PRKG1: variants seen among roughly 807,000 people sequenced by gnomAD.
The protein encoded by PRKG1 is protein kinase cGMP-dependent 1.
Under a neutral mutation model 88.1 loss-of-function variants are expected in PRKG1, and 35 were observed. That is an observed-to-expected ratio of 0.40 (90% CI 0.30 to 0.53). The LOEUF is 0.53. Ranked by LOEUF, PRKG1 falls within the 20% of genes least tolerant of loss-of-function variation. The probability of loss-of-function intolerance (pLI) is 0.59; values close to 1 mark genes in which losing one functional copy is unlikely to be tolerated. For missense variants in PRKG1, 540 were observed against 839.8 expected, an observed-to-expected ratio of 0.64 and a Z score of 4.41; for synonymous variants, 303 against 292.5, an observed-to-expected ratio of 1.04 and a Z score of -0.37.
intron 2 of PRKG1, among the ~76,000 whole-genome samples, chr10:51,340,321 G>C (rs974299661): frequency 2.6e-5 from 4 of 152,010 alleles, no homozygotes; most frequent in Non-Finnish European, 5.9e-5. Flanking sequence ...TTCTTTCTAA[G>C]AATATATTGT....
At chr10:51,492,491 T>C (rs960295531) in intron 3 of PRKG1, among the ~76,000 whole-genome samples, 6 of 152,176 alleles carry the variant, frequency 3.9e-5, no homozygotes, top group African/African-American at 1.4e-4. Context: ...AATTAGCTGA[T>C]GTAATGTTCT....
At chr10:51,479,861 A>G (rs1437630132) in intron 3 of PRKG1, among the ~76,000 whole-genome samples, 1 of 152,048 alleles carries the variant, frequency 6.6e-6, no homozygotes, top group Non-Finnish European at 1.5e-5. Context: ...CAGCATTTGA[A>G]TTTTAGGTTT....
At chr10:51,489,554 A>G (rs899784105) in intron 3 of PRKG1, among the ~76,000 whole-genome samples, 7 of 152,204 alleles carry the variant, frequency 4.6e-5, no homozygotes, top group African/African-American at 1.7e-4. Flanking sequence ...CTTCTGATCC[A>G]CACTAAAGTT....
intron 3 of PRKG1, among the ~76,000 whole-genome samples, chr10:51,773,583 C>A (rs1422713346): frequency 6.6e-6 from 1 of 152,054 alleles, no homozygotes; most frequent in Non-Finnish European, 1.5e-5. Context: ...AAACCTTAAG[C>A]TTTTTAAAAA....
intron 2 of PRKG1, among the ~76,000 whole-genome samples, chr10:51,193,584 C>A (rs1262559848): frequency 6.6e-6 from 1 of 151,892 alleles, no homozygotes; most frequent in Non-Finnish European, 1.5e-5. Flanking sequence ...GAAGGGAGCT[C>A]CTGTATGAAA....
chr10:52,251,325 T>C (rs917549312), intron 9 of PRKG1, among the ~76,000 whole-genome samples: 6 of 152,192 alleles, frequency 3.9e-5, no homozygotes, highest in African/African-American at 1.4e-4. Flanking sequence ...ATCAGTCACT[T>C]GACTGGCATG....
chr10:51,627,202 T>G (rs1839361018), intron 3 of PRKG1, among the ~76,000 whole-genome samples: 1 of 152,138 alleles, frequency 6.6e-6, no homozygotes, highest in East Asian at 1.9e-4. Context: ...AAAGAAATGC[T>G]TATGCCAAGT....
Position 52,297,847 on chromosome 10 carries a change from C to G in PRKG1, c.*3947C>G, listed in dbSNP as rs1383972435. Reference sequence around the variant, plus strand: ...AAAAGTCACTTGGTGCACCTCTCAACAAAACAGGATGCTTTTTCCGAGTTC... The same window carrying G: ...AAAAGTCACTTGGTGCACCTCTCAAGAAAACAGGATGCTTTTTCCGAGTTC... On this transcript the variant is annotated 3_prime_UTR_variant, in exon 18 of 18. Coordinates refer to ENST00000373980, the MANE Select transcript of PRKG1 (RefSeq NM_006258.4). 6.6e-6 allele frequency: 1 copy of G among 152,128 alleles called. No individual in the cohort carries two copies. The highest frequency in any genetic ancestry group is 1.5e-5 in the Non-Finnish European group (1 of 68,020). 9.4% of individuals were successfully genotyped at this position (152,128 alleles called of 1,614,324 possible). A position where few individuals can be genotyped will look rare whatever the true frequency, so the allele number is the denominator to read the frequency against.
intron 14 of PRKG1, among the ~76,000 whole-genome samples, chr10:52,285,700 T>C (rs1303324249): frequency 2.6e-5 from 4 of 152,112 alleles, no homozygotes; most frequent in Non-Finnish European, 5.9e-5. Context: ...TATAATTTCT[T>C]TGAGGCTATC....
At chr10:51,236,443 A>G (rs1384457810) in intron 2 of PRKG1, among the ~76,000 whole-genome samples, 1 of 151,324 alleles carries the variant, frequency 6.6e-6, no homozygotes, top group Non-Finnish European at 1.5e-5. Flanking sequence ...TGAGGAAAGT[A>G]GTTTGCATTC....
chr10:51,137,370 C>G (rs1845714711), intron 1 of PRKG1, among the ~76,000 whole-genome samples: 2 of 152,170 alleles, frequency 1.3e-5, no homozygotes, highest in African/African-American at 4.8e-5. Context: ...AATATACCAA[C>G]AACTGGATCA....
In PRKG1 at chr10:51,260,108, T is replaced by G. The variant is rs73337562; in HGVS notation, c.478+106778T>G. 6.2e-3 allele frequency among the ~76,000 whole-genome samples: 945 copies of G among 152,314 alleles called. 17 individuals are homozygous for G. The highest frequency in any genetic ancestry group is 0.022 in the African/African-American group (903 of 41,564). Reference sequence around the variant, plus strand: ...TTTAATTAGAGTGAGGTTGTGATCATGCTCTTACTGATTGCGTGAACTGCT... The same window carrying G: ...TTTAATTAGAGTGAGGTTGTGATCAGGCTCTTACTGATTGCGTGAACTGCT... On this transcript the variant is annotated intron_variant, in intron 2 of 17. Transcript: ENST00000373980.
chr10:51,229,010 C>G (rs544765384), intron 2 of PRKG1, among the ~76,000 whole-genome samples: 1 of 152,330 alleles, frequency 6.6e-6, no homozygotes, highest in East Asian at 1.9e-4. Context: ...TTTTCCACTA[C>G]TCACTCCCAC....
In PRKG1 at chr10:52,038,560, GA is replaced by G. The variant is rs1229210308; in HGVS notation, c.763-15922del. On this transcript the variant is annotated intron_variant, in intron 5 of 17. Coordinates refer to ENST00000373980, the MANE Select transcript of PRKG1 (RefSeq NM_006258.4). ...GGGACTTGCCGCTAAGAGTGAAGGA[GA>G]AGGGGTTGAGGGGTACTTGCCCCTC... Among the ~76,000 whole-genome samples, 9 of 152,222 alleles carry G rather than the reference GA, an allele frequency of 5.9e-5. No individual in the cohort carries two copies. In the East Asian group the frequency reaches 1.7e-3, roughly 30 times the overall value.
chr10:51,033,175 A>T (rs1191674481), intron 1 of PRKG1, among the ~76,000 whole-genome samples: 1 of 152,130 alleles, frequency 6.6e-6, no homozygotes, highest in Admixed American at 6.6e-5. Context: ...TCCTATGTCC[A>T]GTTACTCATA....
chr10:51,930,400 T>C (rs1395872757), intron 5 of PRKG1, among the ~76,000 whole-genome samples: 2 of 151,938 alleles, frequency 1.3e-5, no homozygotes, highest in African/African-American at 4.9e-5. Flanking sequence ...TTATGTCATG[T>C]ATATTTTACC....
At chr10:51,690,052 T>A (rs896797167) in intron 3 of PRKG1, among the ~76,000 whole-genome samples, 9 of 152,270 alleles carry the variant, frequency 5.9e-5, no homozygotes, top group Non-Finnish European at 1.2e-4. Context: ...TTGACTTGGC[T>A]TCTGGGGAGA....
At chr10:51,384,035 C>T (rs1837186209) in intron 2 of PRKG1, among the ~76,000 whole-genome samples, 1 of 152,030 alleles carries the variant, frequency 6.6e-6, no homozygotes. Context: ...AAAGCACCAC[C>T]TGAAAGATTT....
intron 1 of PRKG1, among the ~76,000 whole-genome samples, chr10:51,149,386 G>T (rs1846011184): frequency 6.6e-6 from 1 of 152,096 alleles, no homozygotes; most frequent in South Asian, 2.1e-4. Context: ...TATTTGAGAA[G>T]TAGGTATATG....
Sources: gnomAD v4.1 joint callset for allele counts (sites outside exome capture counted in the v4.1 genomes callset) on GRCh38, gnomAD v4.1.1 for gene constraint, MANE v1.5 for transcripts, NCBI Gene and HGNC (gene_info 2026-07-23, HGNC 2026-07-21) for gene names.